LTBP1: variants seen among roughly 807,000 people sequenced by gnomAD.
LTBP1 encodes the protein latent-transforming growth factor beta-binding protein 1.
In LTBP1, 129 loss-of-function variants were observed where a neutral mutation model predicts 207.6. The observed-to-expected ratio is 0.62, with a 90% CI of 0.54 to 0.72. The LOEUF is 0.72. LTBP1 is among the 30% of genes least tolerant of loss of function. The pLI is 0.00. For synonymous variants in LTBP1, 963 were observed against 833.7 expected (o/e 1.16, Z -2.67); for missense variants, 2,281 against 2,217.2 (o/e 1.03, Z -0.58).
intron 3 of LTBP1, among the ~76,000 whole-genome samples, chr2:33,090,736 A>G (rs981293887): frequency 1.3e-5 from 2 of 152,144 alleles, no homozygotes; most frequent in African/African-American, 4.8e-5. Context: ...TTTTAGTGAG[A>G]TAGCATACAG....
At chr2:33,126,452 T>C (rs2081440034) in intron 4 of LTBP1, among the ~76,000 whole-genome samples, 1 of 152,156 alleles carries the variant, frequency 6.6e-6, no homozygotes, top group Admixed American at 6.5e-5. Flanking sequence ...GATAGAAGTA[T>C]CAGGGAATTT....
At chr2:33,331,624 T>C (rs1356443169) in intron 24 of LTBP1, among the ~76,000 whole-genome samples, 1 of 152,148 alleles carries the variant, frequency 6.6e-6, no homozygotes, top group Non-Finnish European at 1.5e-5. Context: ...CAGAATATTA[T>C]CAATTTTAGT....
intron 24 of LTBP1, among the ~76,000 whole-genome samples, chr2:33,342,420 T>C (rs1261661549): frequency 6.6e-6 from 1 of 152,244 alleles, no homozygotes; most frequent in Admixed American, 6.5e-5. Context: ...ATTGCTCATT[T>C]CCACCTGTAA....
intron 2 of LTBP1, among the ~76,000 whole-genome samples, chr2:32,996,662 G>A (rs911861009): frequency 2.0e-5 from 3 of 152,042 alleles, no homozygotes; most frequent in East Asian, 1.9e-4. Context: ...ATGGCACTTC[G>A]GAGTTTTCAA....
chr2:33,122,732 A>G (rs1046229665), intron 4 of LTBP1, among the ~76,000 whole-genome samples: 2 of 152,156 alleles, frequency 1.3e-5, no homozygotes, highest in African/African-American at 2.4e-5. Context: ...TGGGGTTGCT[A>G]CAAGTGCTGT....
chr2:33,338,280 A>G (rs560055726), intron 24 of LTBP1, among the ~76,000 whole-genome samples: 9 of 152,362 alleles, frequency 5.9e-5, no homozygotes, highest in Middle Eastern at 3.4e-3. Flanking sequence ...GACGCCCAGT[A>G]ATTCATAACC....
chr2:33,140,855 G>A (rs1448389477), intron 5 of LTBP1, among the ~76,000 whole-genome samples: 3 of 152,090 alleles, frequency 2.0e-5, no homozygotes, highest in African/African-American at 7.2e-5. Context: ...TTTCAGTAGA[G>A]ACGGGGTTTC....
intron 31 of LTBP1, among the ~76,000 whole-genome samples, chr2:33,386,714 A>G (rs2095268311): frequency 6.6e-6 from 1 of 151,890 alleles, no homozygotes; most frequent in African/African-American, 2.4e-5. Flanking sequence ...AGTTCCAACT[A>G]CTCAGGAGGC....
chr2:33,288,864 AAAAAAAG>A (rs1274315987), intron 19 of LTBP1, among the ~76,000 whole-genome samples: 5 of 150,132 alleles, frequency 3.3e-5, no homozygotes, highest in African/African-American at 1.2e-4. Flanking sequence ...CAAAAAAAAA[AAAAAAAG>A]AAAAAAGAAA....
At chr2:33,362,676 T>A (rs1351445552) in intron 28 of LTBP1, among the ~76,000 whole-genome samples, 1 of 152,196 alleles carries the variant, frequency 6.6e-6, no homozygotes, top group East Asian at 1.9e-4. Context: ...GTCTTCAGGT[T>A]GTAAAATGAG....
intron 9 of LTBP1, among the ~76,000 whole-genome samples, chr2:33,241,678 G>A (rs965816050): frequency 6.6e-6 from 1 of 152,208 alleles, no homozygotes; most frequent in Non-Finnish European, 1.5e-5. Context: ...ATACCCTAGT[G>A]AGGATATGAG....
In LTBP1 at chr2:33,252,645, A is replaced by G. The variant is rs1191444238; in HGVS notation, c.2000-32A>G. Reference sequence around the variant, plus strand: ...AAAGCCAATGTAGTTTTGGTTTCTCATGTAATGTCGGGCTTTATCTCTCTG... The same window carrying G: ...AAAGCCAATGTAGTTTTGGTTTCTCGTGTAATGTCGGGCTTTATCTCTCTG... On this transcript the variant is annotated intron_variant, in intron 10 of 33. Transcript: ENST00000404816. 2.5e-6 allele frequency: 4 copies of G among 1,577,784 alleles called. No individual in the cohort carries two copies. In the African/African-American group the frequency reaches 5.4e-5, roughly 21 times the overall value.
intron 3 of LTBP1, among the ~76,000 whole-genome samples, chr2:33,029,652 A>G (rs1457060508): frequency 6.6e-6 from 1 of 152,198 alleles, no homozygotes; most frequent in African/African-American, 2.4e-5. Context: ...GCTGCAGCAG[A>G]GTCATGACTT....
In LTBP1 at chr2:33,173,816, G is replaced by T. The variant is rs370365570; in HGVS notation, c.1202-13040G>T. Among the ~76,000 whole-genome samples, 798 of 144,578 alleles carry T rather than the reference G, an allele frequency of 5.5e-3. 10 individuals carry two copies. The highest frequency in any genetic ancestry group is 0.019 in the African/African-American group (739 of 39,718). 94.8% of individuals were successfully genotyped at this position (144,578 alleles called of 152,430 possible). A position where few individuals can be genotyped will look rare whatever the true frequency, so the allele number is the denominator to read the frequency against. On this transcript the variant is annotated intron_variant, in intron 5 of 33. Transcript: ENST00000404816. The stretch of plus-strand genomic sequence containing the variant: ...CAAAAGCTTATCCACCATGATCAAG[G>T]GGGCTTCATCCCTGGGATGCAAGGC...
chr2:33,379,772 G>A (rs1399846058), intron 31 of LTBP1, among the ~76,000 whole-genome samples: 1 of 152,162 alleles, frequency 6.6e-6, no homozygotes, highest in African/African-American at 2.4e-5. Context: ...TTCATGACTA[G>A]TCATTGACTA....
chr2:33,127,111 T>G (rs950102003), intron 4 of LTBP1, among the ~76,000 whole-genome samples: 3 of 152,204 alleles, frequency 2.0e-5, no homozygotes, highest in African/African-American at 7.2e-5. Context: ...TGTGAAAGAA[T>G]TGGAATCCCT....
chr2:33,250,346 G>A (rs565244429), intron 10 of LTBP1, among the ~76,000 whole-genome samples: 6 of 152,156 alleles, frequency 3.9e-5, no homozygotes, highest in African/African-American at 1.4e-4. Context: ...GCTTTAAGAT[G>A]GTTGACTAGA....
chr2:33,045,646 G>T (rs1425265345), intron 3 of LTBP1, among the ~76,000 whole-genome samples: 1 of 152,148 alleles, frequency 6.6e-6, no homozygotes, highest in Non-Finnish European at 1.5e-5. Flanking sequence ...CTAATTCTGT[G>T]AAGAAAGTCA....
intron 3 of LTBP1, among the ~76,000 whole-genome samples, chr2:33,053,666 C>A (rs1241043476): frequency 6.6e-6 from 1 of 152,070 alleles, no homozygotes; most frequent in East Asian, 1.9e-4. Flanking sequence ...GTTTTAATGT[C>A]TTAGGGCAAG....
Sources: gnomAD v4.1 joint callset for allele counts (sites outside exome capture counted in the v4.1 genomes callset) on GRCh38, gnomAD v4.1.1 for gene constraint, MANE v1.5 for transcripts, NCBI Gene and HGNC (gene_info 2026-07-23, HGNC 2026-07-21) for gene names.